The following C2CD3 variants were observed in gnomAD, a reference collection of about 807,000 sequenced individuals.
C2CD3 encodes C2 domain containing 3 centriole elongation regulator.
A neutral mutation model predicts 234.0 loss-of-function variants in C2CD3; 148 were observed. The ratio of observed to expected loss-of-function variants is 0.63; its 90% CI spans 0.55 to 0.72. The LOEUF (loss-of-function observed/expected upper bound fraction) is 0.72, where lower values mean the gene tolerates loss of function less well. Ranked by LOEUF, C2CD3 falls within the 30% of genes least tolerant of loss-of-function variation. The pLI, the probability that C2CD3 is intolerant of heterozygous loss-of-function variation, is 0.00. For missense variants in C2CD3, 2,577 were observed against 2,811.5 expected (o/e 0.92, Z 1.89); for synonymous variants, 1,000 against 1,035.4 (o/e 0.97, Z 0.66).
intron 7 of C2CD3, among the ~76,000 whole-genome samples, chr11:74,128,161 C>G (rs900641877): frequency 3.3e-5 from 5 of 152,200 alleles, no homozygotes; most frequent in Non-Finnish European, 7.3e-5. Flanking sequence ...CCACGCCCAG[C>G]CATATTGGCT....
chr11:74,033,861 G>A lies in C2CD3; in HGVS notation c.6299C>T (p.Pro2100Leu). 3 of 1,536,218 alleles carry A rather than the reference G, an allele frequency of 2.0e-6. No individual in the cohort carries two copies. The highest frequency in any genetic ancestry group is 2.6e-6 in the Non-Finnish European group (3 of 1,146,930). The change falls in exon 31 of 33, where the codon CCT becomes CTT. Residue 2100 changes from proline to leucine, a missense_variant. Transcript: ENST00000334126. ...TTCCCTCTGCACCTCGTCAGGCTGA[G>A]GGCTGATGACCTCACTTGTGTCTGA... ...VISDTSEVIS[P>L]QPDEVQREGP...
chr11:74,065,856 T>C (rs1029786449), intron 24 of C2CD3, among the ~76,000 whole-genome samples: 21 of 135,854 alleles, frequency 1.5e-4, no homozygotes, highest in African/African-American at 5.6e-4. Context: ...TAGGTGGGAA[T>C]TGAACAATGA....
rs140398825 is a variant in C2CD3 at position 74,163,009 on chromosome 11, C to T, written c.326-1453G>A. Reference sequence around the variant, plus strand: ...TACTCTTTGGTCACTTAGACTAATACCTTCATGCCCAGAGGAGAAGAAATA... The same window carrying T: ...TACTCTTTGGTCACTTAGACTAATATCTTCATGCCCAGAGGAGAAGAAATA... On this transcript the variant is annotated intron_variant, in intron 2 of 32. Coordinates refer to ENST00000334126, the MANE Select transcript of C2CD3 (RefSeq NM_001286577.2). Among the ~76,000 whole-genome samples the T allele has an allele frequency of 4.7e-4, 71 of 152,308 alleles. No individual in the cohort carries two copies. In the Middle Eastern group the frequency reaches 0.024, roughly 51 times the overall value.
At chr11:74,069,576 G>A (rs1213562847) in intron 24 of C2CD3, among the ~76,000 whole-genome samples, 1 of 152,214 alleles carries the variant, frequency 6.6e-6, no homozygotes, top group African/African-American at 2.4e-5. Context: ...AATCGCATAA[G>A]ATAGGCATCT....
At chr11:74,049,258 A>G (rs982582282) in intron 27 of C2CD3, 79 bp downstream of exon 27, 37 of 1,179,586 alleles carry the variant, frequency 3.1e-5, no homozygotes, top group Non-Finnish European at 4.4e-5. Context: ...TAAGCCGGAG[A>G]GTGCCAAACA....
chr11:74,102,108 A>G (rs1470613308), intron 14 of C2CD3, among the ~76,000 whole-genome samples: 1 of 152,206 alleles, frequency 6.6e-6, no homozygotes, highest in African/African-American at 2.4e-5. Context: ...TGTCTTCCAG[A>G]TAATTAAGTT....
At chr11:74,079,180 G>C (rs1308390832) in intron 22 of C2CD3, among the ~76,000 whole-genome samples, 3 of 152,208 alleles carry the variant, frequency 2.0e-5, no homozygotes, top group Admixed American at 1.3e-4. Flanking sequence ...CTAGACCCAA[G>C]TCTTCTATCA....
chr11:74,106,548 T>C (rs1956527838), intron 12 of C2CD3, 55 bp from the exon 13 acceptor site: 1 of 1,559,020 alleles, frequency 6.4e-7, no homozygotes, highest in African/African-American at 1.4e-5. Flanking sequence ...CCACAGGTGA[T>C]CTTAATTAAA....
chr11:74,034,412 C>G lies in C2CD3; in HGVS notation c.5882-134G>C, dbSNP rs1952639660. The G allele has an allele frequency of 8.6e-6, 13 of 1,510,906 alleles. 1 individual carries two copies. In the South Asian group the frequency reaches 1.6e-4, roughly 19 times the overall value. The allele number at this position is 1,510,906 out of a possible 1,614,324, so 93.6% of individuals were successfully genotyped here. ...AAACCATAAAGAAAATTAGTCCACC[C>G]AAGATTCAGTGAGACTATATTCAAG... On this transcript the variant is annotated intron_variant, in intron 30 of 32. Transcript: ENST00000334126.
intron 8 of C2CD3, among the ~76,000 whole-genome samples, chr11:74,122,309 C>T (rs1293583660): frequency 6.6e-6 from 1 of 152,182 alleles, no homozygotes; most frequent in East Asian, 1.9e-4. Flanking sequence ...TAAAAGTTTT[C>T]CCTGCTTCTT....
chr11:74,035,224 T>C (rs924122766), intron 30 of C2CD3, among the ~76,000 whole-genome samples: 2 of 152,172 alleles, frequency 1.3e-5, no homozygotes, highest in African/African-American at 4.8e-5. Context: ...CTCAAAGGAA[T>C]GGGTAGATAG....
At chr11:74,157,397 A>T (rs79135769) in intron 3 of C2CD3, among the ~76,000 whole-genome samples, 3,759 of 152,300 alleles carry the variant, frequency 0.025, 78 homozygotes, top group Non-Finnish European at 0.038. Context: ...ATGCAAATTT[A>T]TATCATCAAC....
At chr11:74,134,640 C>G (rs1957797786) in intron 5 of C2CD3, among the ~76,000 whole-genome samples, 1 of 152,110 alleles carries the variant, frequency 6.6e-6, no homozygotes, top group Admixed American at 6.5e-5. Flanking sequence ...GTGCCCAACT[C>G]CTAGTCTAAT....
At chr11:74,093,360 T>C (rs984215706) in intron 18 of C2CD3, among the ~76,000 whole-genome samples, 19 of 147,918 alleles carry the variant, frequency 1.3e-4, no homozygotes, top group African/African-American at 4.4e-4. Context: ...ATAAATTATA[T>C]TATTAAATTA....
intron 23 of C2CD3, among the ~76,000 whole-genome samples, chr11:74,076,172 G>A (rs1364789039): frequency 1.3e-5 from 2 of 152,160 alleles, no homozygotes; most frequent in African/African-American, 2.4e-5. Flanking sequence ...CTCTAGGCCT[G>A]CCCAGATAAA....
Position 74,100,585 on chromosome 11 carries a change from C to T in C2CD3, c.2672G>A (p.Gly891Glu). 6.2e-7 allele frequency: 1 copy of T among 1,614,098 alleles called. No individual in the cohort carries two copies. Residue 891 changes from glycine (G) to glutamate (E), a missense_variant, in exon 15 of 33, where the codon GGA (glycine) becomes GAA (glutamate). Physicochemically the swap from Gly to Glu is moderately conservative, Grantham distance 98. Coordinates refer to ENST00000334126, the MANE Select transcript of C2CD3 (RefSeq NM_001286577.2). ...CACCAGCCCGAGCAGCTTGTCCTGT[C>T]CTGGGCTCCGCACCTTATTCCAAGT... ...IETWNKVRSP[G>E]QDKLLGLVKL...
intron 12 of C2CD3, among the ~76,000 whole-genome samples, chr11:74,106,904 G>A (rs935898572): frequency 7.9e-5 from 12 of 152,200 alleles, no homozygotes; most frequent in Non-Finnish European, 1.3e-4. Flanking sequence ...TGTCATATGC[G>A]TAAAGCTGGA....
At chr11:74,027,659 T>C (rs1289487293) in intron 32 of C2CD3, among the ~76,000 whole-genome samples, 1 of 152,192 alleles carries the variant, frequency 6.6e-6, no homozygotes, top group Non-Finnish European at 1.5e-5. Context: ...AATTTGTCTG[T>C]CTTATTTACT....
intron 1 of C2CD3, among the ~76,000 whole-genome samples, chr11:74,170,018 G>C (rs1349804240): frequency 1.3e-5 from 2 of 152,078 alleles, no homozygotes; most frequent in African/African-American, 4.8e-5. Context: ...CAAGTTTCCT[G>C]ATCTGCCCTG....
Sources: gnomAD v4.1 joint callset for allele counts (sites outside exome capture counted in the v4.1 genomes callset) on GRCh38, gnomAD v4.1.1 for gene constraint, MANE v1.5 for transcripts, NCBI Gene and HGNC (gene_info 2026-07-23, HGNC 2026-07-21) for gene names.